The following ZBTB32 variants were observed in gnomAD, a reference collection of about 807,000 sequenced individuals.
ZBTB32 encodes the protein zinc finger and BTB domain-containing protein 32.
ZBTB32 carries 28 observed loss-of-function variants against 45.3 expected under a neutral mutation model. That is an observed-to-expected ratio of 0.62 (90% CI 0.46 to 0.85). The LOEUF is 0.85. Among genes scored for constraint, ZBTB32 ranks in the 40% least tolerant of loss-of-function variants. The pLI, the probability that ZBTB32 is intolerant of heterozygous loss-of-function variation, is 0.00. For synonymous variants in ZBTB32, 283 were observed against 255.7 expected (o/e 1.11, Z -1.02); for missense variants, 587 against 624.4 (o/e 0.94, Z 0.64).
intron 1 of ZBTB32, among the ~76,000 whole-genome samples, chr19:35,705,060 C>T (rs2146405519): frequency 6.6e-6 from 1 of 152,228 alleles, no homozygotes; most frequent in Non-Finnish European, 1.5e-5. Context: ...AATCCCAGCA[C>T]TTTGGGAGGC....
chr19:35,715,967 C>T lies in ZBTB32; in HGVS notation c.984C>T (p.Leu328=), dbSNP rs889119300. The change falls in exon 5 of 7, where the codon CTC becomes CTT. Residue 328 remains leucine, a synonymous_variant. Coordinates refer to ENST00000392197, the MANE Select transcript of ZBTB32 (RefSeq NM_014383.3). ...CCCTCCCCCAGGGCCCCGCACAGCT[C>T]AGCCCTGGGGAGATGGAAGAGTCTG... ...PGSLPQGPAQ[L]SPGEMEESDQ... 21 of 1,613,352 alleles carry T rather than the reference C, an allele frequency of 1.3e-5. No homozygotes were observed. The highest frequency in any genetic ancestry group is 1.8e-5 in the Non-Finnish European group (21 of 1,179,932).
chr19:35,708,429 G>A (rs1324137300), intron 1 of ZBTB32, among the ~76,000 whole-genome samples: 1 of 152,180 alleles, frequency 6.6e-6, no homozygotes, highest in Non-Finnish European at 1.5e-5. Flanking sequence ...TACAGCCAGA[G>A]GAGGTCCAAA....
In ZBTB32 at chr19:35,716,153, G is replaced by A; in HGVS notation, c.1045G>A (p.Gly349Ser). The A allele has an allele frequency of 1.2e-6, 2 of 1,613,840 alleles. No homozygotes were observed. Among genetic ancestry groups the A allele is most frequent in the Non-Finnish European group, 1.7e-6 (2 of 1,179,934 alleles). ...CACAGGCGCACTTGCAACCTGTGCG[G>A]GTCATGAGGACAAGGCAGGCTGCCC... ...GHTGALATCAGHEDKAGCPPR... is the reference protein window; with the variant it reads ...GHTGALATCASHEDKAGCPPR... The change falls in exon 6 of 7, where the codon GGT becomes AGT. Residue 349 changes from glycine (G) to serine (S), a missense_variant. Gly to Ser is a moderately conservative substitution (Grantham distance 56). Coordinates refer to ENST00000392197, the MANE Select transcript of ZBTB32 (RefSeq NM_014383.3).
intron 1 of ZBTB32, among the ~76,000 whole-genome samples, chr19:35,707,067 T>C (rs1968562923): frequency 6.6e-6 from 1 of 152,068 alleles, no homozygotes; most frequent in African/African-American, 2.4e-5. Context: ...TGATGGCACA[T>C]GCCTGTAATC....
chr19:35,705,782 G>T (rs1193407469), intron 1 of ZBTB32, among the ~76,000 whole-genome samples: 4 of 151,494 alleles, frequency 2.6e-5, no homozygotes, highest in Admixed American at 2.6e-4. Flanking sequence ...GTGGTGGCAG[G>T]TGCCTGTAAT....
chr19:35,716,290 C>A lies in ZBTB32; in HGVS notation c.1182C>A (p.Val394=), dbSNP rs992064628. 11 of 1,613,878 alleles carry A rather than the reference C, an allele frequency of 6.8e-6. No individual in the cohort carries two copies. In the Admixed American group the frequency reaches 1.2e-4, roughly 17 times the overall value. ...ATCAGATGGAGACGCACTACCGAGTCCACACAGGTATGGGCGCCCTGCCCT... is the reference window on the plus strand; with the variant it reads ...ATCAGATGGAGACGCACTACCGAGTACACACAGGTATGGGCGCCCTGCCCT... ...LKHQMETHYR[V]HTGEKPFSCS... Residue 394 remains valine, a synonymous_variant, in exon 6 of 7, where the codon GTC becomes GTA. Coordinates refer to ENST00000392197, the MANE Select transcript of ZBTB32 (RefSeq NM_014383.3).
At chr19:35,711,969 G>A (rs1478792455) in intron 1 of ZBTB32, among the ~76,000 whole-genome samples, 3 of 143,518 alleles carry the variant, frequency 2.1e-5, no homozygotes, top group African/African-American at 8.0e-5. Context: ...AGGTCGCAGT[G>A]AGCTGAGATT....
chr19:35,713,338 T>A (rs1170650758), intron 2 of ZBTB32: 2 of 152,268 alleles, frequency 1.3e-5, no homozygotes, highest in Non-Finnish European at 2.9e-5. Context: ...GGCAGACTGA[T>A]ACTTGGGACA....
intron 1 of ZBTB32, among the ~76,000 whole-genome samples, chr19:35,710,583 C>T (rs1307232050): frequency 6.6e-6 from 1 of 152,094 alleles, no homozygotes; most frequent in Non-Finnish European, 1.5e-5. Context: ...GAAACCCCAT[C>T]TCTACTAAAA....
intron 1 of ZBTB32, among the ~76,000 whole-genome samples, chr19:35,710,061 A>C (rs1254859540): frequency 6.6e-6 from 1 of 151,674 alleles, no homozygotes; most frequent in Non-Finnish European, 1.5e-5. Context: ...AATACAAAAA[A>C]TTAGTCAGGC....
intron 1 of ZBTB32, among the ~76,000 whole-genome samples, chr19:35,706,228 C>CAA (rs11331490): frequency 1.2e-4 from 16 of 130,694 alleles, no homozygotes; most frequent in East Asian, 2.4e-4. Context: ...AACTCCATCT[C>CAA]AAAAAAAAAA....
At chr19:35,704,933 C>T (rs918938820) in intron 1 of ZBTB32, among the ~76,000 whole-genome samples, 1 of 152,202 alleles carries the variant, frequency 6.6e-6, no homozygotes, top group African/African-American at 2.4e-5. Flanking sequence ...GTATGGCCTC[C>T]GGACAATGAG....
intron 3 of ZBTB32, 122 bp from the exon 4 acceptor site, chr19:35,715,635 C>G: frequency 6.8e-7 from 1 of 1,473,398 alleles, no homozygotes; most frequent in Non-Finnish European, 9.1e-7. Flanking sequence ...AGACAAGAAG[C>G]TGCTGCCACA....
At chr19:35,711,310 A>G (rs1358918670) in intron 1 of ZBTB32, among the ~76,000 whole-genome samples, 2 of 152,056 alleles carry the variant, frequency 1.3e-5, no homozygotes, top group African/African-American at 4.8e-5. Context: ...GGGACTCTGT[A>G]TTTCTGTGTT....
chr19:35,704,878 G>A (rs1241701225), intron 1 of ZBTB32, among the ~76,000 whole-genome samples: 2 of 152,344 alleles, frequency 1.3e-5, no homozygotes, highest in Admixed American at 1.3e-4. Context: ...AGCCTGAGTA[G>A]GAAGGGTGTT....
chr19:35,715,886 G>A, intron 4 of ZBTB32, 53 bp from the exon 5 acceptor site: 5 of 1,609,396 alleles, frequency 3.1e-6, no homozygotes, highest in Non-Finnish European at 4.2e-6. Context: ...TCTGGGCTGG[G>A]GCTCGAGGAG....
chr19:35,713,786 C>T (rs547143451), intron 2 of ZBTB32, among the ~76,000 whole-genome samples: 6 of 152,314 alleles, frequency 3.9e-5, no homozygotes, highest in Non-Finnish European at 7.3e-5. Flanking sequence ...ATCTCCTTAC[C>T]CAAATCTTGA....
chr19:35,716,831 G>T lies in ZBTB32; in HGVS notation c.*79G>T. On this transcript the variant is annotated 3_prime_UTR_variant, in exon 7 of 7. Transcript: ENST00000392197. ...CCGGCTCGGCTTCTGACCTGGCACC[G>T]CTGCTACGGCGGCCTAGCAAATTCC... 6.7e-7 allele frequency: 1 copy of T among 1,501,564 alleles called. No homozygotes were observed. Among genetic ancestry groups the T allele is most frequent in the Non-Finnish European group, 9.0e-7 (1 of 1,116,212 alleles). 93.0% of individuals were successfully genotyped at this position (1,501,564 alleles called of 1,614,324 possible). A position where few individuals can be genotyped will look rare whatever the true frequency, so the allele number is the denominator to read the frequency against.
chr19:35,713,554 G>A (rs75903850), intron 2 of ZBTB32: 2,033 of 152,422 alleles, frequency 0.013, 98 homozygotes, highest in East Asian at 0.11. Context: ...GTGTCCAAGT[G>A]CAGCCCTCCC....
Sources: gnomAD v4.1 joint callset for allele counts (sites outside exome capture counted in the v4.1 genomes callset) on GRCh38, gnomAD v4.1.1 for gene constraint, MANE v1.5 for transcripts, NCBI Gene and HGNC (gene_info 2026-07-23, HGNC 2026-07-21) for gene names.